The following PHF21A variants were observed in gnomAD, a reference collection of about 807,000 sequenced individuals.
PHF21A encodes PHD finger protein 21A.
PHF21A carries 11 observed loss-of-function variants against 82.5 expected under a neutral mutation model. The ratio of observed to expected loss-of-function variants is 0.13; its 90% CI spans 0.08 to 0.22. The LOEUF (loss-of-function observed/expected upper bound fraction) is 0.22. Among genes scored for constraint, PHF21A ranks in the 10% least tolerant of loss-of-function variants. PHF21A has a pLI of 1.00. For missense variants in PHF21A, 579 were observed against 837.8 expected (o/e 0.69, Z 3.81); for synonymous variants, 297 against 302.8 (o/e 0.98, Z 0.20).
At chr11:45,960,497 T>C (rs542812319) in intron 10 of PHF21A, among the ~76,000 whole-genome samples, 2 of 152,314 alleles carry the variant, frequency 1.3e-5, no homozygotes, top group Non-Finnish European at 2.9e-5. Flanking sequence ...GGTACATCTA[T>C]GGAGACAGAA....
chr11:46,002,593 A>G (rs1476883659), intron 6 of PHF21A, among the ~76,000 whole-genome samples: 1 of 152,154 alleles, frequency 6.6e-6, no homozygotes, highest in Non-Finnish European at 1.5e-5. Flanking sequence ...TTCAAACTTC[A>G]TAAGGGAACT....
In PHF21A at chr11:46,094,673, G is replaced by A. The variant is rs183824040; in HGVS notation, c.-236-2450C>T. Among the ~76,000 whole-genome samples the A allele has an allele frequency of 4.5e-3, 684 of 152,262 alleles. 9 individuals are homozygous for A. The highest frequency in any genetic ancestry group is 0.016 in the African/African-American group (654 of 41,542). On this transcript the variant is annotated intron_variant, in intron 1 of 18. Coordinates refer to ENST00000676320, the MANE Select transcript of PHF21A (RefSeq NM_001352027.3). ...CAAAGTGGGTGGATCACGAGATCAG[G>A]AGATCGAGACCGTCCTGGCCAACAT...
intron 1 of PHF21A, among the ~76,000 whole-genome samples, chr11:46,105,743 T>C (rs1165174625): frequency 1.3e-5 from 2 of 152,192 alleles, no homozygotes; most frequent in Non-Finnish European, 2.9e-5. Context: ...GTCCAAATTT[T>C]ACATTTAAAA....
intron 6 of PHF21A, among the ~76,000 whole-genome samples, chr11:45,990,263 TTTTTTTTTTTTTTC>T (rs1365216919): frequency 9.9e-6 from 1 of 100,738 alleles, no homozygotes; most frequent in African/African-American, 4.6e-5. Flanking sequence ...TTTTTTTTTT[TTTTTTTTTTTTTTC>T]AAACAGGATC....
At chr11:45,935,334 C>A in intron 18 of PHF21A, 1 of 1,048,132 alleles carries the variant, frequency 9.5e-7, no homozygotes, top group Admixed American at 2.2e-5. Flanking sequence ...GTCAGGAATA[C>A]GCAGGGCCAT....
chr11:46,103,890 G>A (rs1342414000), intron 1 of PHF21A, among the ~76,000 whole-genome samples: 3 of 152,028 alleles, frequency 2.0e-5, no homozygotes, highest in East Asian at 1.9e-4. Flanking sequence ...AGAGACATTC[G>A]TAAGACAGAT....
chr11:45,994,882 C>T (rs2094849983), intron 6 of PHF21A, among the ~76,000 whole-genome samples: 1 of 152,176 alleles, frequency 6.6e-6, no homozygotes. Flanking sequence ...CCTGGTATTT[C>T]TCTGTCCTTG....
intron 6 of PHF21A, among the ~76,000 whole-genome samples, chr11:45,996,037 C>T (rs558121887): frequency 1.3e-5 from 2 of 151,986 alleles, no homozygotes; most frequent in South Asian, 2.1e-4. Flanking sequence ...TCAAACTCCC[C>T]GGCTCAAGTG....
chr11:46,092,960 G>A (rs918288777), intron 1 of PHF21A, among the ~76,000 whole-genome samples: 1 of 151,914 alleles, frequency 6.6e-6, no homozygotes, highest in Non-Finnish European at 1.5e-5. Context: ...TCACTGTGTT[G>A]CCCAAGCTGG....
At chr11:45,996,038 G>A (rs771410575) in intron 6 of PHF21A, among the ~76,000 whole-genome samples, 78 of 152,042 alleles carry the variant, frequency 5.1e-4, no homozygotes, top group Admixed American at 7.9e-4. Context: ...CAAACTCCCC[G>A]GCTCAAGTGA....
At chr11:45,944,713 CTT>C (rs1175809593) in intron 15 of PHF21A, among the ~76,000 whole-genome samples, 3 of 152,238 alleles carry the variant, frequency 2.0e-5, no homozygotes, top group Non-Finnish European at 4.4e-5. Flanking sequence ...CTTCACCACT[CTT>C]CATAAACATC....
At chr11:45,953,675 G>T in intron 10 of PHF21A, 50 bp from the exon 11 acceptor site, 1 of 1,191,784 alleles carries the variant, frequency 8.4e-7, no homozygotes, top group Non-Finnish European at 1.2e-6. Flanking sequence ...TTTATTAAAA[G>T]GATGAAGCAA....
In PHF21A at chr11:45,932,004, A is replaced by G. The variant is rs900233734; in HGVS notation, c.*1964T>C. On this transcript the variant is annotated 3_prime_UTR_variant, in exon 19 of 19. Transcript: ENST00000676320. This position sits in a 1 kb window ranked among gnomAD's most constrained non-coding sequence, Gnocchi z 4.3. ...GAGTAAATTTCTGGTGCCTGGAGCC[A>G]ACAGGCAGAGAAAGGAGTGGGAGCT... The G allele has an allele frequency of 6.6e-6, 1 of 152,298 alleles. No homozygotes were observed. Among genetic ancestry groups the G allele is most frequent in the African/African-American group, 2.4e-5 (1 of 41,460 alleles). 9.4% of individuals were successfully genotyped at this position (152,298 alleles called of 1,614,324 possible).
chr11:46,081,117 G>A (rs1047734357), intron 4 of PHF21A, among the ~76,000 whole-genome samples: 6 of 152,176 alleles, frequency 3.9e-5, no homozygotes, highest in Non-Finnish European at 8.8e-5. Context: ...AATCTTTGGT[G>A]TATCACTTCA....
intron 6 of PHF21A, among the ~76,000 whole-genome samples, chr11:45,988,489 T>C (rs1374229670): frequency 1.3e-5 from 2 of 152,240 alleles, no homozygotes; most frequent in East Asian, 3.8e-4. Flanking sequence ...AATTGGGAAG[T>C]ATTTTTAACA....
intron 6 of PHF21A, among the ~76,000 whole-genome samples, chr11:46,051,998 A>G (rs1398760251): frequency 6.6e-6 from 1 of 152,150 alleles, no homozygotes; most frequent in East Asian, 1.9e-4. Context: ...TAGCCTCCCA[A>G]AGTTTACTCC....
At chr11:45,951,057 G>A (rs2092041957) in intron 11 of PHF21A, among the ~76,000 whole-genome samples, 1 of 152,050 alleles carries the variant, frequency 6.6e-6, no homozygotes. Flanking sequence ...CCCTGAAGAT[G>A]GAACGTTAAG....
intron 6 of PHF21A, among the ~76,000 whole-genome samples, chr11:45,987,420 G>T (rs2946008): frequency 1.3e-5 from 2 of 151,620 alleles, no homozygotes; most frequent in East Asian, 3.9e-4. Flanking sequence ...CTGGCACTTT[G>T]GGAGGCCGAG....
chr11:45,956,539 C>A (rs1461762381), intron 10 of PHF21A, among the ~76,000 whole-genome samples: 2 of 151,880 alleles, frequency 1.3e-5, no homozygotes, highest in East Asian at 3.8e-4. Flanking sequence ...TATTGCATGA[C>A]GCTGAGATTG....
Sources: gnomAD v4.1 joint callset for allele counts (sites outside exome capture counted in the v4.1 genomes callset) on GRCh38, gnomAD v4.1.1 for gene constraint, Gnocchi (gnomAD v3.1) non-coding constraint, MANE v1.5 for transcripts, NCBI Gene and HGNC (gene_info 2026-07-23, HGNC 2026-07-21) for gene names.